Variants in STAG1 observed in about 807,000 individuals in gnomAD.
STAG1 encodes cohesin subunit SA-1.
STAG1 carries 26 observed loss-of-function variants against 170.9 expected under a neutral mutation model. The observed-to-expected ratio is 0.15, with a 90% CI of 0.11 to 0.21. The LOEUF is 0.21. Among genes scored for constraint, STAG1 ranks in the 10% least tolerant of loss-of-function variants. STAG1 has a pLI of 1.00. For synonymous variants in STAG1, 514 were observed against 497.7 expected, an observed-to-expected ratio of 1.03 and a Z score of -0.44; for missense variants, 964 against 1,509.5, an observed-to-expected ratio of 0.64 and a Z score of 5.99.
chr3:136,744,045 T>C (rs770217028), intron 1 of STAG1, among the ~76,000 whole-genome samples: 3 of 152,186 alleles, frequency 2.0e-5, no homozygotes, highest in East Asian at 1.9e-4. Flanking sequence ...TACAAGGATT[T>C]TGGCTGGCCA....
rs145494052 is a variant in STAG1 at position 136,667,506 on chromosome 3, G to A, written c.-83-36525C>T. Among the ~76,000 whole-genome samples the A allele has an allele frequency of 6.5e-3, 983 of 152,296 alleles. 12 individuals are homozygous for A. Among genetic ancestry groups the A allele is most frequent in the African/African-American group, 0.022 (934 of 41,558 alleles). On this transcript the variant is annotated intron_variant, in intron 1 of 33. Coordinates refer to ENST00000383202, the MANE Select transcript of STAG1 (RefSeq NM_005862.3). ...GAAAATGGTTTTCTTAGAGTTTGGA[G>A]AAGGGGTGGATTGTTTATTTTTCAT... is the stretch of plus-strand genomic sequence containing the variant.
intron 16 of STAG1, among the ~76,000 whole-genome samples, chr3:136,429,813 GT>G (rs2088240324): frequency 6.6e-6 from 1 of 152,166 alleles, no homozygotes; most frequent in Non-Finnish European, 1.5e-5. Flanking sequence ...ATGTCAACAT[GT>G]CAAGGATGAA....
chr3:136,396,216 T>G (rs1337740812), intron 22 of STAG1, among the ~76,000 whole-genome samples: 1 of 143,392 alleles, frequency 7.0e-6, no homozygotes, highest in Non-Finnish European at 1.5e-5. Flanking sequence ...ACAGTTTTTT[T>G]TTTTTTTTTT....
At chr3:136,565,016 AGGCAGGCAGGC>A (rs1937007014) in intron 5 of STAG1, among the ~76,000 whole-genome samples, 1 of 88,950 alleles carries the variant, frequency 1.1e-5, no homozygotes, top group Non-Finnish European at 2.1e-5. Context: ...GAAGGAAGGC[AGGCAGGCAGGC>A]AGGCAGGCAG....
intron 1 of STAG1, among the ~76,000 whole-genome samples, chr3:136,671,800 T>C (rs1345101636): frequency 1.3e-5 from 2 of 152,086 alleles, no homozygotes; most frequent in East Asian, 1.9e-4. Flanking sequence ...GCAGATCACT[T>C]GAGCCCAGGA....
chr3:136,600,308 G>A lies in STAG1; in HGVS notation c.297+4001C>T, dbSNP rs149692647. On this transcript the variant is annotated intron_variant, in intron 4 of 33. Transcript: ENST00000383202. ...CTTTCCTTCAGCCTGCTTTACAAAT[G>A]GGGAGACTCACATTAGGCCTTGGCT... is the stretch of plus-strand genomic sequence containing the variant. 2.0e-3 allele frequency among the ~76,000 whole-genome samples: 297 copies of A among 152,256 alleles called. 1 individual carries two copies. The highest frequency in any genetic ancestry group is 6.8e-3 in the African/African-American group (284 of 41,534).
At chr3:136,419,549 A>G (rs1414069709) in intron 20 of STAG1, among the ~76,000 whole-genome samples, 1 of 151,110 alleles carries the variant, frequency 6.6e-6, no homozygotes, top group African/African-American at 2.4e-5. Flanking sequence ...GGTTCAAGCG[A>G]TTCTCGTGCC....
chr3:136,602,638 G>A (rs1559903139), intron 4 of STAG1, among the ~76,000 whole-genome samples: 1 of 151,966 alleles, frequency 6.6e-6, no homozygotes, highest in African/African-American at 2.4e-5. Context: ...ATCACTTGAG[G>A]TCAGGAGTTT....
At position 136,357,857 on chromosome 3, in the gene STAG1, A is replaced by G. The variant is rs1230422051; in HGVS notation, c.2937-9T>C. Reference sequence around the variant, plus strand: ...CAAACTCTATGCCATCCCTGAAGTAAAAGAAAATATCAACTTATTTTTCCA... The same window carrying G: ...CAAACTCTATGCCATCCCTGAAGTAGAAGAAAATATCAACTTATTTTTCCA... On this transcript the variant is annotated splice_polypyrimidine_tract_variant and intron_variant, in intron 27 of 33. Coordinates refer to ENST00000383202, the MANE Select transcript of STAG1 (RefSeq NM_005862.3). 8 of 1,587,742 alleles carry G rather than the reference A, an allele frequency of 5.0e-6. No homozygotes were observed. Among genetic ancestry groups the G allele is most frequent in the Non-Finnish European group, 6.8e-6 (8 of 1,171,480 alleles).
At chr3:136,702,109 GA>G (rs1943090490) in intron 1 of STAG1, among the ~76,000 whole-genome samples, 1 of 89,600 alleles carries the variant, frequency 1.1e-5, no homozygotes, top group Non-Finnish European at 2.4e-5. Flanking sequence ...GAGAGAGAGA[GA>G]GAGAGAGAGA....
chr3:136,594,714 T>C (rs1938339784), intron 4 of STAG1, among the ~76,000 whole-genome samples: 1 of 152,188 alleles, frequency 6.6e-6, no homozygotes, highest in Non-Finnish European at 1.5e-5. Flanking sequence ...TTAATTAATA[T>C]TGTAGCCCTG....
At chr3:136,626,369 G>T (rs770872101) in intron 2 of STAG1, among the ~76,000 whole-genome samples, 8 of 149,796 alleles carry the variant, frequency 5.3e-5, no homozygotes, top group Non-Finnish European at 1.0e-4. Context: ...TAGGTTGGCC[G>T]AGCCAAGATC....
At chr3:136,548,053 G>C (rs1936232689) in intron 5 of STAG1, among the ~76,000 whole-genome samples, 1 of 151,858 alleles carries the variant, frequency 6.6e-6, no homozygotes, top group Non-Finnish European at 1.5e-5. Context: ...ATTACTTCTG[G>C]GCTCTCTATT....
chr3:136,433,681 G>A (rs776022562), intron 15 of STAG1, 22 bp from the exon 16 acceptor site: 3 of 1,501,602 alleles, frequency 2.0e-6, no homozygotes, highest in South Asian at 2.3e-5. Context: ...CAAAATACAT[G>A]AGCATGAGTA....
chr3:136,505,336 A>G (rs1437238584), intron 7 of STAG1, among the ~76,000 whole-genome samples: 2 of 152,226 alleles, frequency 1.3e-5, no homozygotes, highest in Non-Finnish European at 1.5e-5. Context: ...AATATGTTCT[A>G]GTACAGTGGT....
chr3:136,463,733 A>ATGTGTGTGTG (rs1470936669), intron 13 of STAG1, among the ~76,000 whole-genome samples: 37 of 42,406 alleles, frequency 8.7e-4, no homozygotes, highest in African/African-American at 3.4e-3. Context: ...AAAAATGTGT[A>ATGTGTGTGTG]TATGTGTGTG....
intron 9 of STAG1, among the ~76,000 whole-genome samples, chr3:136,487,302 C>T (rs891841523): frequency 9.2e-5 from 14 of 152,318 alleles, no homozygotes; most frequent in African/African-American, 3.1e-4. Context: ...TTGGAAAAGA[C>T]ATCATCTCAC....
intron 12 of STAG1, among the ~76,000 whole-genome samples, chr3:136,465,208 C>G (rs1435590097): frequency 6.8e-6 from 1 of 146,180 alleles, no homozygotes; most frequent in Admixed American, 7.1e-5. Context: ...AAAATGCTCA[C>G]AATTCTTCTA....
chr3:136,442,488 A>G (rs925297775), intron 15 of STAG1, among the ~76,000 whole-genome samples: 1 of 152,242 alleles, frequency 6.6e-6, no homozygotes, highest in African/African-American at 2.4e-5. Context: ...AAAAAGATGC[A>G]TACTTCAAAA....
Sources: allele counts gnomAD v4.1 joint callset (sites outside exome capture counted in the v4.1 genomes callset), GRCh38; gene constraint gnomAD v4.1.1; transcripts MANE v1.5; gene names NCBI Gene and HGNC (gene_info 2026-07-23, HGNC 2026-07-21).